The following UGT3A2 variants were observed in gnomAD, a reference collection of about 807,000 sequenced individuals.
UGT3A2 encodes UDP glycosyltransferase family 3 member A2.
In UGT3A2, 32 loss-of-function variants were observed where a neutral mutation model predicts 39.8. The ratio of observed to expected loss-of-function variants is 0.80; its 90% CI spans 0.61 to 1.08. UGT3A2 has a LOEUF of 1.08. Among genes scored for constraint, UGT3A2 ranks in the 50% least tolerant of loss-of-function variants. UGT3A2 has a pLI of 0.00. For synonymous variants in UGT3A2, 241 were observed against 230.7 expected, an observed-to-expected ratio of 1.04 and a Z score of -0.40; for missense variants, 611 against 637.1, an observed-to-expected ratio of 0.96 and a Z score of 0.44.
Position 36,049,009 on chromosome 5 carries a change from TAGA to T in UGT3A2, c.720_722del (p.Leu242del). The T allele has an allele frequency of 6.2e-7, 1 of 1,614,182 alleles. No individual in the cohort carries two copies. Among genetic ancestry groups the T allele is most frequent in the Non-Finnish European group, 8.5e-7 (1 of 1,180,036 alleles). ...TAATGAACCACAACTCTGCTTTCAG[TAGA>T]AGATGAGACAAAACTGGCCTAGAGC... is the stretch of plus-strand genomic sequence containing the variant. On this transcript the variant is annotated inframe_deletion, in exon 4 of 7. Transcript: ENST00000282507.
At chr5:36,064,658 TA>T (rs1234600539) in intron 1 of UGT3A2, among the ~76,000 whole-genome samples, 1 of 152,176 alleles carries the variant, frequency 6.6e-6, no homozygotes, top group Non-Finnish European at 1.5e-5. Context: ...GAGGTACATG[TA>T]TATTTTAACT....
Position 36,064,323 on chromosome 5 carries a change from C to T in UGT3A2, c.122G>A (p.Arg41Gln), listed in dbSNP as rs779830544. The T allele has an allele frequency of 6.8e-6, 11 of 1,613,942 alleles. No individual in the cohort carries two copies. In the African/African-American group the frequency reaches 9.3e-5, roughly 14 times the overall value. ...GTGATCTTGAAGAATCTGAGAAACCCGGTCCATCAGTAGATAATGGCTTCC... is the reference window on the plus strand; with the variant it reads ...GTGATCTTGAAGAATCTGAGAAACCTGGTCCATCAGTAGATAATGGCTTCC... The part of the protein sequence containing the change: ...VGGSHYLLMD[R>Q]VSQILQDHGH... Residue 41 changes from arginine (R) to glutamine (Q), a missense_variant, in exon 2 of 7, where the codon CGG (arginine) becomes CAG (glutamine). Transcript: ENST00000282507.
chr5:36,041,643 G>A (rs1742010445), intron 4 of UGT3A2, among the ~76,000 whole-genome samples: 1 of 152,170 alleles, frequency 6.6e-6, no homozygotes, highest in Non-Finnish European at 1.5e-5. Flanking sequence ...CCACCAAGGT[G>A]GTACTTCTAC....
intron 6 of UGT3A2, among the ~76,000 whole-genome samples, chr5:36,037,396 A>C (rs912251089): frequency 6.6e-6 from 1 of 152,200 alleles, no homozygotes; most frequent in African/African-American, 2.4e-5. Flanking sequence ...CAAAGGAGCC[A>C]GTATGTGAAG....
chr5:36,036,013 C>T, intron 6 of UGT3A2, 39 bp from the exon 7 acceptor site: 1 of 1,599,824 alleles, frequency 6.3e-7, no homozygotes, highest in Non-Finnish European at 8.6e-7. Context: ...ACTAATGTGA[C>T]CTCACAAGAG....
chr5:36,039,707 T>C lies in UGT3A2; in HGVS notation c.845A>G (p.Asp282Gly). 1 of 1,613,560 alleles carries C rather than the reference T, an allele frequency of 6.2e-7. No homozygotes were observed. The highest frequency in any genetic ancestry group is 8.5e-7 in the Non-Finnish European group (1 of 1,179,548). The change falls in exon 5 of 7, where the codon GAC becomes GGC. Residue 282 changes from aspartate to glycine, a missense_variant and splice_region_variant. Asp to Gly is a moderately conservative substitution (Grantham distance 94). Coordinates refer to ENST00000282507, the MANE Select transcript of UGT3A2 (RefSeq NM_174914.4). ...MEKPIKPVPQ[D>G]LENFIAKFGD... ...AAACTTGGCAATGAAGTTCTCCAAG[T>C]CCTGGAGAAAGATTACCAAGGTAAA... is the stretch of plus-strand genomic sequence containing the variant.
In UGT3A2 at chr5:36,044,669, C is replaced by A. The variant is rs72742500; in HGVS notation, c.843+4220G>T. Among the ~76,000 whole-genome samples the A allele has an allele frequency of 1.0e-3, 157 of 152,140 alleles. 1 individual carries two copies. Among genetic ancestry groups the A allele is most frequent in the Non-Finnish European group, 1.3e-3 (90 of 67,984 alleles). On this transcript the variant is annotated intron_variant, in intron 4 of 6. Coordinates refer to ENST00000282507, the MANE Select transcript of UGT3A2 (RefSeq NM_174914.4). ...AAAATCAATATATATAAATCAGTAG[C>A]AATTCTATATGCCAACAGTGAATAA...
chr5:36,047,357 C>T (rs757433123), intron 4 of UGT3A2, among the ~76,000 whole-genome samples: 2 of 152,186 alleles, frequency 1.3e-5, no homozygotes, highest in African/African-American at 2.4e-5. Flanking sequence ...GTGAGACCAG[C>T]GTCATATATT....
intron 4 of UGT3A2, among the ~76,000 whole-genome samples, chr5:36,040,791 G>A (rs1741981942): frequency 6.6e-6 from 1 of 152,190 alleles, no homozygotes; most frequent in Non-Finnish European, 1.5e-5. Context: ...TCCCTGGAGT[G>A]CACATGACCT....
Position 36,035,873 on chromosome 5 carries a change from CCT to C in UGT3A2, c.1395_1396del (p.Gly467ArgfsTer15), listed in dbSNP as rs778271529. ...ATAGGGCTTGAGGTGCGTCGCGCCC[CCT>C]GTCTGGAGGACGTGGTCAATCCAGC... On this transcript the variant is annotated frameshift_variant, in exon 7 of 7. Coordinates refer to ENST00000282507, the MANE Select transcript of UGT3A2 (RefSeq NM_174914.4). LOFTEE classifies it low-confidence loss of function (END_TRUNC). 9.9e-6 allele frequency: 16 copies of C among 1,614,182 alleles called. No homozygotes were observed. The highest frequency in any genetic ancestry group is 1.3e-5 in the African/African-American group (1 of 75,042).
intron 2 of UGT3A2, among the ~76,000 whole-genome samples, chr5:36,055,834 G>GT (rs1450152819): frequency 1.3e-5 from 2 of 152,056 alleles, no homozygotes; most frequent in Non-Finnish European, 2.9e-5. Context: ...TCAGGGACAT[G>GT]TTCTCATTCC....
chr5:36,045,600 C>CAA (rs201945740), intron 4 of UGT3A2, among the ~76,000 whole-genome samples: 19 of 89,154 alleles, frequency 2.1e-4, no homozygotes, highest in African/African-American at 4.2e-4. Context: ...TCCTCAGTCT[C>CAA]AAAAAAAAAA....
intron 3 of UGT3A2, among the ~76,000 whole-genome samples, chr5:36,049,630 C>T (rs1424380920): frequency 6.6e-6 from 1 of 152,162 alleles, no homozygotes; most frequent in Non-Finnish European, 1.5e-5. Context: ...TTCTCCCTTC[C>T]CCTTTTCTCT....
rs115414726 is a variant in UGT3A2, at chr5:36,036,348, A to G, written c.1296-374T>C. Reference sequence around the variant, plus strand: ...TCTGGGGAATGTTAGGCACAGGCTAAAGCCTACACATTCCTGCACCATCAG... The same window carrying G: ...TCTGGGGAATGTTAGGCACAGGCTAGAGCCTACACATTCCTGCACCATCAG... On this transcript the variant is annotated intron_variant, in intron 6 of 6. Transcript: ENST00000282507. Among the ~76,000 whole-genome samples the G allele has an allele frequency of 7.4e-3, 1,120 of 152,264 alleles. 14 individuals carry two copies. The highest frequency in any genetic ancestry group is 0.026 in the African/African-American group (1,075 of 41,542).
chr5:36,064,273 G>C lies in UGT3A2; in HGVS notation c.172C>G (p.His58Asp). Reference protein sequence around the residue: ...DHGHNVTMLNHKRGPFMPDFK... With the variant: ...DHGHNVTMLNDKRGPFMPDFK... ...CCTGGCATAAAAGGACCTCTTTTGT[G>C]GTTAAGCATGGTGACATTATGACCG... The change falls in exon 2 of 7, where the codon CAC becomes GAC. Residue 58 changes from histidine (H) to aspartate (D), a missense_variant. His to Asp is a moderately conservative substitution (Grantham distance 81, BLOSUM62 -1). Coordinates refer to ENST00000282507, the MANE Select transcript of UGT3A2 (RefSeq NM_174914.4). The C allele has an allele frequency of 6.2e-7, 1 of 1,614,138 alleles. No homozygotes were observed. The highest frequency in any genetic ancestry group is 8.5e-7 in the Non-Finnish European group (1 of 1,179,994).
chr5:36,039,660 CA>C lies in UGT3A2; in HGVS notation c.891del (p.Val298Ter). The C allele has an allele frequency of 6.2e-7, 1 of 1,614,190 alleles. No homozygotes were observed. On this transcript the variant is annotated frameshift_variant, in exon 5 of 7. Coordinates refer to ENST00000282507, the MANE Select transcript of UGT3A2 (RefSeq NM_174914.4). LOFTEE classifies it high-confidence loss of function. ...IAKFGDSGFVLVTLGSMVNTC... is the reference protein window; with the variant it reads ...IAKFGDSGFVXVTLGSMVNTC... ...GTGTTCACCATGGAGCCCAAGGTCA[CA>C]AGGACAAAACCAGAGTCCCCAAACT...
intron 4 of UGT3A2, among the ~76,000 whole-genome samples, chr5:36,043,952 C>A (rs562285463): frequency 3.3e-5 from 5 of 152,166 alleles, no homozygotes; most frequent in Middle Eastern, 3.4e-3. Flanking sequence ...CAATCCTACT[C>A]AAACTATTCT....
chr5:36,047,989 CTT>C (rs1273769963), intron 4 of UGT3A2, among the ~76,000 whole-genome samples: 1 of 152,182 alleles, frequency 6.6e-6, no homozygotes, highest in Non-Finnish European at 1.5e-5. Flanking sequence ...ACCCATAGGT[CTT>C]TCCCCAACTC....
Position 36,039,499 on chromosome 5 carries a change from C to G in UGT3A2, c.1053G>C (p.Trp351Cys). 1 of 1,614,088 alleles carries G rather than the reference C, an allele frequency of 6.2e-7. No homozygotes were observed. The highest frequency in any genetic ancestry group is 8.5e-7 in the Non-Finnish European group (1 of 1,180,030). The change falls in exon 5 of 7, where the codon TGG becomes TGC. Residue 351 changes from tryptophan (W) to cysteine (C), a missense_variant. Trp to Cys is a radical substitution (Grantham distance 215). Coordinates refer to ENST00000282507, the MANE Select transcript of UGT3A2 (RefSeq NM_174914.4). ...TACCCAGGAGGTCACTCTGAGGAAG[C>G]CAGTCCACAATTTTCACATTTGCAG... is the stretch of plus-strand genomic sequence containing the variant. ...HLAANVKIVD[W>C]LPQSDLLAHP...
Sources: allele counts gnomAD v4.1 joint callset (sites outside exome capture counted in the v4.1 genomes callset), GRCh38; gene constraint gnomAD v4.1.1; transcripts MANE v1.5; gene names NCBI Gene and HGNC (gene_info 2026-07-23, HGNC 2026-07-21).